SOBP: variants seen among roughly 807,000 people sequenced by gnomAD.
The protein encoded by SOBP is sine oculis binding protein homolog, also known as sine oculis-binding protein homolog.
SOBP carries 4 observed loss-of-function variants against 53.6 expected under a neutral mutation model. The observed-to-expected ratio is 0.07, with a 90% CI of 0.04 to 0.17. SOBP has a LOEUF of 0.17. SOBP is among the 10% of genes least tolerant of loss of function. SOBP has a pLI of 1.00. For missense variants in SOBP, 1,088 were observed against 1,204.7 expected (o/e 0.90, Z 1.43); for synonymous variants, 584 against 522.6 (o/e 1.12, Z -1.60).
At chr6:107,587,541 A>G (rs1214950504) in intron 5 of SOBP, among the ~76,000 whole-genome samples, 1 of 152,156 alleles carries the variant, frequency 6.6e-6, no homozygotes, top group Non-Finnish European at 1.5e-5. Context: ...CTCATTGTAC[A>G]CTATTTTAGG....
chr6:107,639,665 G>A lies in SOBP; in HGVS notation c.*3+4196G>A, dbSNP rs1391048828. Among the ~76,000 whole-genome samples, 5 of 152,304 alleles carry A rather than the reference G, an allele frequency of 3.3e-5. No homozygotes were observed. In the East Asian group the frequency reaches 9.6e-4, roughly 29 times the overall value. On this transcript the variant is annotated intron_variant, in intron 6 of 6. Transcript: ENST00000317357. ...CTCCCTTCTTTGTCTTTGCCTAGGA[G>A]CTTGAGGGATAGCTGTTTGTATTTG...
At chr6:107,611,724 G>A (rs1786607328) in intron 5 of SOBP, among the ~76,000 whole-genome samples, 1 of 152,196 alleles carries the variant, frequency 6.6e-6, no homozygotes, top group South Asian at 2.1e-4. Flanking sequence ...GCTGTGCAGT[G>A]TTACCTCTGT....
chr6:107,596,400 C>G (rs532107294), intron 5 of SOBP, among the ~76,000 whole-genome samples: 1 of 152,098 alleles, frequency 6.6e-6, no homozygotes, highest in Non-Finnish European at 1.5e-5. Context: ...TAACATATCT[C>G]CCTGGTTCTA....
chr6:107,593,959 C>T (rs147581073), intron 5 of SOBP, among the ~76,000 whole-genome samples: 21 of 152,314 alleles, frequency 1.4e-4, no homozygotes, highest in African/African-American at 3.8e-4. Flanking sequence ...TACTTGTTGG[C>T]GGCATCGCAA....
chr6:107,550,650 A>G (rs1358697501), intron 4 of SOBP, among the ~76,000 whole-genome samples: 1 of 152,206 alleles, frequency 6.6e-6, no homozygotes, highest in Non-Finnish European at 1.5e-5. Flanking sequence ...CCCAGAGGCC[A>G]GGCTCTATGC....
chr6:107,494,353 C>T (rs1428065920), intron 1 of SOBP, among the ~76,000 whole-genome samples: 3 of 152,174 alleles, frequency 2.0e-5, no homozygotes, highest in African/African-American at 4.8e-5. Context: ...AGAGTTCATC[C>T]AGAACATAGT....
At chr6:107,573,771 A>G (rs533868025) in intron 4 of SOBP, among the ~76,000 whole-genome samples, 11 of 152,174 alleles carry the variant, frequency 7.2e-5, no homozygotes, top group African/African-American at 2.2e-4. Context: ...GTTTACTTTT[A>G]TTTACCGCCA....
At chr6:107,551,282 G>A (rs1784451852) in intron 4 of SOBP, among the ~76,000 whole-genome samples, 1 of 152,136 alleles carries the variant, frequency 6.6e-6, no homozygotes, top group Non-Finnish European at 1.5e-5. Flanking sequence ...AATAGAAACT[G>A]GTCTCCTTTA....
At chr6:107,529,686 T>A in intron 3 of SOBP, 1 of 924,976 alleles carries the variant, frequency 1.1e-6, no homozygotes. Flanking sequence ...TCCTTATTTT[T>A]AAAAGTCACC....
Position 107,648,748 on chromosome 6 carries a change from TC to T in SOBP, c.*4-9457del, listed in dbSNP as rs75202884. ...TGGGGTTCTAGAAGCTGGACTTCCA[TC>T]CACCTTTTCCTATTTCTGGCAACCC... On this transcript the variant is annotated intron_variant, in intron 6 of 6. Transcript: ENST00000317357. 9.5e-3 allele frequency among the ~76,000 whole-genome samples: 1,444 copies of T among 152,226 alleles called. 81 individuals carry two copies. The East Asian group carries it at 0.15, about 16-fold the overall frequency.
chr6:107,641,817 CGTGGAACACTTACCTCATGTT>C (rs1562122888), intron 6 of SOBP, among the ~76,000 whole-genome samples: 1 of 152,168 alleles, frequency 6.6e-6, no homozygotes, highest in African/African-American at 2.4e-5. Flanking sequence ...TACGCTGCAC[CGTGGAACACTTACCTCATGTT>C]GTGGAACACT....
chr6:107,655,018 C>T (rs1771973225), intron 6 of SOBP, among the ~76,000 whole-genome samples: 1 of 151,804 alleles, frequency 6.6e-6, no homozygotes, highest in Admixed American at 6.6e-5. Context: ...GAAACAGGTC[C>T]AAGGTCACAT....
chr6:107,620,458 C>G (rs1373634846), intron 5 of SOBP, among the ~76,000 whole-genome samples: 2 of 152,224 alleles, frequency 1.3e-5, no homozygotes, highest in African/African-American at 4.8e-5. Context: ...CTCTGTCCCT[C>G]TTAGGCAGAG....
chr6:107,544,435 A>G (rs1331116696), intron 4 of SOBP, among the ~76,000 whole-genome samples: 2 of 152,224 alleles, frequency 1.3e-5, no homozygotes, highest in Non-Finnish European at 2.9e-5. Flanking sequence ...TGAGGGACAG[A>G]TGTTTATTTA....
At chr6:107,568,963 C>T (rs539574524) in intron 4 of SOBP, among the ~76,000 whole-genome samples, 3 of 152,016 alleles carry the variant, frequency 2.0e-5, no homozygotes, top group Non-Finnish European at 2.9e-5. Context: ...AAGAAAGATC[C>T]GTGATTGGAA....
chr6:107,500,676 T>C (rs9480778), intron 1 of SOBP, among the ~76,000 whole-genome samples: 144,676 of 151,298 alleles, frequency 0.96, 69,355 homozygotes, highest in Admixed American at 0.97. Flanking sequence ...CGCCCGCCAC[T>C]ACGCCCGGCT....
At chr6:107,598,188 TTACAAAC>T (rs1390609941) in intron 5 of SOBP, among the ~76,000 whole-genome samples, 2 of 152,158 alleles carry the variant, frequency 1.3e-5, no homozygotes, top group Non-Finnish European at 2.9e-5. Flanking sequence ...AAAAAAAAGT[TTACAAAC>T]TACGCTTATA....
chr6:107,570,610 G>A (rs917460198), intron 4 of SOBP, among the ~76,000 whole-genome samples: 8 of 152,284 alleles, frequency 5.3e-5, no homozygotes, highest in Middle Eastern at 3.4e-3. Flanking sequence ...TACGAGCCCC[G>A]CTTTATGGAT....
At chr6:107,588,454 T>C (rs867663467) in intron 5 of SOBP, among the ~76,000 whole-genome samples, 14 of 152,240 alleles carry the variant, frequency 9.2e-5, no homozygotes, top group African/African-American at 3.4e-4. Flanking sequence ...TTATGTTTTA[T>C]CTTAGGACTC....
Sources: gnomAD v4.1 joint callset for allele counts (sites outside exome capture counted in the v4.1 genomes callset) on GRCh38, gnomAD v4.1.1 for gene constraint, MANE v1.5 for transcripts, NCBI Gene and HGNC (gene_info 2026-07-23, HGNC 2026-07-21) for gene names.